Variants in ENTREP2 observed in about 807,000 individuals in gnomAD.
The protein encoded by ENTREP2 is endosomal transmembrane epsin interactor 2, also known as protein ENTREP2.
chr15:29,272,570 G>A, the ENTREP2 span, among the ~76,000 whole-genome samples: 8 of 152,274 alleles, frequency 5.3e-5, no homozygotes, highest in South Asian at 1.7e-3. Context: ...AGTCTGCGGG[G>A]CGGCCATTCC....
chr15:29,562,172 G>C, the ENTREP2 span, among the ~76,000 whole-genome samples: 2 of 152,246 alleles, frequency 1.3e-5, no homozygotes, highest in Non-Finnish European at 2.9e-5. Flanking sequence ...GAGGAAGGCT[G>C]AGGAGAGTGA....
the ENTREP2 span, among the ~76,000 whole-genome samples, chr15:29,658,183 C>T: frequency 5.3e-5 from 8 of 152,262 alleles, no homozygotes; most frequent in African/African-American, 1.9e-4. Context: ...CCATCCTGTT[C>T]TTGTGATAGT....
the ENTREP2 span, among the ~76,000 whole-genome samples, chr15:29,377,523 T>C: frequency 5.9e-5 from 9 of 152,018 alleles, no homozygotes; most frequent in African/African-American, 2.2e-4. Context: ...GGCAGCTGCA[T>C]ACAAATAAAA....
At chr15:29,286,956 A>T in the ENTREP2 span, among the ~76,000 whole-genome samples, 1 of 152,184 alleles carries the variant, frequency 6.6e-6, no homozygotes, top group East Asian at 1.9e-4. Context: ...TCTTGAAACA[A>T]TTCGGGCCAC....
the ENTREP2 span, among the ~76,000 whole-genome samples, chr15:29,322,967 C>G: frequency 2.7e-4 from 41 of 152,258 alleles, no homozygotes; most frequent in African/African-American, 8.2e-4. Context: ...TAATAATAGT[C>G]AACATCTATT....
At chr15:29,308,857 G>A in the ENTREP2 span, among the ~76,000 whole-genome samples, 1 of 152,158 alleles carries the variant, frequency 6.6e-6, no homozygotes, top group African/African-American at 2.4e-5. Flanking sequence ...CCATGTGAAA[G>A]ATGTCCTCCC....
At chr15:29,205,369 C>T in the ENTREP2 span, among the ~76,000 whole-genome samples, 13 of 152,176 alleles carry the variant, frequency 8.5e-5, no homozygotes, top group Admixed American at 7.9e-4. Context: ...TGGCAATTCT[C>T]TGTTTAATGA....
At chr15:29,408,516 A>C in the ENTREP2 span, among the ~76,000 whole-genome samples, 1 of 152,158 alleles carries the variant, frequency 6.6e-6, no homozygotes, top group East Asian at 1.9e-4. Context: ...CACTGGGTGA[A>C]GTATGAGAAA....
At chr15:29,374,435 G>A in the ENTREP2 span, 8 of 151,936 alleles carry the variant, frequency 5.3e-5, no homozygotes, top group Admixed American at 1.3e-4. Context: ...TTACCTTCAG[G>A]TGACATTAGA....
the ENTREP2 span, among the ~76,000 whole-genome samples, chr15:29,660,692 T>C: frequency 6.6e-6 from 1 of 152,240 alleles, no homozygotes; most frequent in Non-Finnish European, 1.5e-5. Flanking sequence ...AAATACACTC[T>C]GTGTGAAAAG....
At chr15:29,297,746 T>C in the ENTREP2 span, among the ~76,000 whole-genome samples, 3 of 152,268 alleles carry the variant, frequency 2.0e-5, no homozygotes, top group African/African-American at 4.8e-5. Flanking sequence ...CAGGAACATT[T>C]TGAACTGCAG....
At chr15:29,553,967 C>T in the ENTREP2 span, among the ~76,000 whole-genome samples, 2 of 152,194 alleles carry the variant, frequency 1.3e-5, no homozygotes, top group Non-Finnish European at 2.9e-5. Context: ...TTTTAAACTG[C>T]TAAGTTTGAG....
chr15:29,639,847 C>A, the ENTREP2 span, among the ~76,000 whole-genome samples: 1 of 149,734 alleles, frequency 6.7e-6, no homozygotes, highest in Admixed American at 6.6e-5. Context: ...CGGCTCACTG[C>A]AACCTCTACC....
the ENTREP2 span, among the ~76,000 whole-genome samples, chr15:29,284,920 C>T: frequency 6.6e-6 from 1 of 152,154 alleles, no homozygotes; most frequent in Admixed American, 6.5e-5. Flanking sequence ...CACAATTTTT[C>T]TTGAGGATTC....
chr15:29,596,347 T>C, the ENTREP2 span, among the ~76,000 whole-genome samples: 2 of 152,222 alleles, frequency 1.3e-5, no homozygotes, highest in Non-Finnish European at 2.9e-5. Flanking sequence ...CTCCTCTCTT[T>C]ATCTGGAATC....
chr15:29,316,420 A>C, the ENTREP2 span, among the ~76,000 whole-genome samples: 1 of 152,206 alleles, frequency 6.6e-6, no homozygotes, highest in Non-Finnish European at 1.5e-5. Flanking sequence ...CAGAAATTTG[A>C]ACATGAGGTA....
chr15:29,311,142 A>G, the ENTREP2 span, among the ~76,000 whole-genome samples: 1 of 152,240 alleles, frequency 6.6e-6, no homozygotes, highest in Non-Finnish European at 1.5e-5. Context: ...AAAATTTAGT[A>G]TTCTCTCTTC....
chr15:29,119,067 T>C, the ENTREP2 span, among the ~76,000 whole-genome samples: 1 of 152,090 alleles, frequency 6.6e-6, no homozygotes, highest in Admixed American at 6.5e-5. Flanking sequence ...CCAGAGGGTG[T>C]GGGCCAAGGG....
At chr15:29,270,539 GCAAA>G in the ENTREP2 span, among the ~76,000 whole-genome samples, 2 of 152,224 alleles carry the variant, frequency 1.3e-5, no homozygotes, top group Non-Finnish European at 1.5e-5. Context: ...GAGGAATGCT[GCAAA>G]CAAACGTGCA....
Sources: allele counts gnomAD v4.1 joint callset (sites outside exome capture counted in the v4.1 genomes callset), GRCh38; gene constraint gnomAD v4.1.1; transcripts MANE v1.5; gene names NCBI Gene and HGNC (gene_info 2026-07-23, HGNC 2026-07-21).